SPATA6: variants seen among roughly 807,000 people sequenced by gnomAD.
SPATA6 encodes spermatogenesis associated 6, also known as spermatogenesis-associated protein 6.
In SPATA6, 56 loss-of-function variants were observed where a neutral mutation model predicts 65.3. The ratio of observed to expected loss-of-function variants is 0.86; its 90% CI spans 0.69 to 1.07. The LOEUF is 1.07. Ranked by LOEUF, SPATA6 falls within the 50% of genes least tolerant of loss-of-function variation. The pLI is 0.00. For missense variants in SPATA6, 590 were observed against 594.8 expected (o/e 0.99, Z 0.08); for synonymous variants, 199 against 213.2 (o/e 0.93, Z 0.58).
Position 48,399,397 on chromosome 1 carries a change from T to C in SPATA6, c.734A>G (p.Tyr245Cys), listed in dbSNP as rs755812791. The change falls in exon 7 of 13, where the codon TAT (tyrosine) becomes TGT (cysteine). Residue 245 changes from tyrosine to cysteine, a missense_variant. Transcript: ENST00000371847. ...RRLAHLNLGP[Y>C]EFKKETDKPP... Reference sequence around the variant, plus strand: ...TTTATCTGTTTCTTTTTTGAACTCATAGGGTCCCAGATTTAAATGGGCCAG... The same window carrying C: ...TTTATCTGTTTCTTTTTTGAACTCACAGGGTCCCAGATTTAAATGGGCCAG... 1.9e-6 allele frequency: 3 copies of C among 1,613,134 alleles called. No individual in the cohort carries two copies. Among genetic ancestry groups the C allele is most frequent in the African/African-American group, 1.3e-5 (1 of 74,980 alleles).
chr1:48,309,029 G>T (rs575859174), intron 11 of SPATA6, among the ~76,000 whole-genome samples: 42 of 152,172 alleles, frequency 2.8e-4, no homozygotes, highest in African/African-American at 1.0e-3. Flanking sequence ...GGGATTACAG[G>T]TACTTGCCAC....
At chr1:48,313,007 A>C (rs2148672253) in intron 11 of SPATA6, among the ~76,000 whole-genome samples, 1 of 152,326 alleles carries the variant, frequency 6.6e-6, no homozygotes, top group Non-Finnish European at 1.5e-5. Flanking sequence ...ATAAATAAAA[A>C]GAAACTAACA....
intron 3 of SPATA6, among the ~76,000 whole-genome samples, chr1:48,448,492 G>GAA (rs199827948): frequency 3.7e-5 from 5 of 136,678 alleles, no homozygotes; most frequent in Admixed American, 7.2e-5. Flanking sequence ...GTCCCCACAG[G>GAA]AAAAAAAAAA....
intron 3 of SPATA6, among the ~76,000 whole-genome samples, chr1:48,450,515 T>C (rs1372736457): frequency 2.0e-5 from 3 of 152,156 alleles, no homozygotes; most frequent in Admixed American, 6.5e-5. Context: ...TTTTCTAAGA[T>C]ACACAATTTC....
At chr1:48,284,987 C>T in the SPATA6 span, among the ~76,000 whole-genome samples, 1 of 152,202 alleles carries the variant, frequency 6.6e-6, no homozygotes, top group African/African-American at 2.4e-5. Context: ...CTCTTCAGAG[C>T]CAGCACGCAG....
At chr1:48,262,848 A>T in the SPATA6 span, 1 of 152,210 alleles carries the variant, frequency 6.6e-6, no homozygotes, top group Non-Finnish European at 1.5e-5. Context: ...ACATTTGAAA[A>T]GTCTAATTAA....
chr1:48,376,886 A>G (rs1041894326), intron 9 of SPATA6, among the ~76,000 whole-genome samples: 1 of 152,210 alleles, frequency 6.6e-6, no homozygotes, highest in Non-Finnish European at 1.5e-5. Context: ...AAGGATTTGT[A>G]TATCAGACCT....
At chr1:48,283,697 A>AAAAGAAAGAAAGAAAGAAAGAAAG in the SPATA6 span, among the ~76,000 whole-genome samples, 323 of 11,992 alleles carry the variant, frequency 0.027, 28 homozygotes, top group Non-Finnish European at 0.036. Context: ...AAAAAAAAAA[A>AAAAGAAAGAAAGAAAGAAAGAAAG]AAAGAAAGAA....
At chr1:48,387,146 C>G (rs1299950648) in intron 8 of SPATA6, among the ~76,000 whole-genome samples, 2 of 152,122 alleles carry the variant, frequency 1.3e-5, no homozygotes, top group African/African-American at 4.8e-5. Flanking sequence ...GGGAACTCCT[C>G]TTTTTAAAAT....
At chr1:48,261,767 T>C in the SPATA6 span, among the ~76,000 whole-genome samples, 1 of 152,232 alleles carries the variant, frequency 6.6e-6, no homozygotes, top group African/African-American at 2.4e-5. Context: ...TTGCAATTTC[T>C]ATAATATATG....
chr1:48,457,211 C>A (rs1440877802), intron 1 of SPATA6, among the ~76,000 whole-genome samples: 1 of 152,156 alleles, frequency 6.6e-6, no homozygotes, highest in Non-Finnish European at 1.5e-5. Flanking sequence ...ATGAGTGGAT[C>A]TCCTGAGGTC....
chr1:48,407,427 G>A (rs1651808532), intron 5 of SPATA6, among the ~76,000 whole-genome samples: 1 of 152,196 alleles, frequency 6.6e-6, no homozygotes, highest in Non-Finnish European at 1.5e-5. Context: ...TAGCAAAGCT[G>A]TGGGGTTTCT....
the SPATA6 span, among the ~76,000 whole-genome samples, chr1:48,279,314 C>CA: frequency 6.6e-6 from 1 of 152,156 alleles, no homozygotes; most frequent in African/African-American, 2.4e-5. Flanking sequence ...ATGACAGGAT[C>CA]AAATTCACAC....
chr1:48,271,208 C>T, the SPATA6 span, among the ~76,000 whole-genome samples: 1 of 152,058 alleles, frequency 6.6e-6, no homozygotes, highest in Non-Finnish European at 1.5e-5. Flanking sequence ...ACTTATCACC[C>T]CTTGCAGTAG....
At chr1:48,389,096 C>T (rs1304579683) in intron 8 of SPATA6, among the ~76,000 whole-genome samples, 6 of 152,046 alleles carry the variant, frequency 3.9e-5, no homozygotes, top group African/African-American at 1.4e-4. Context: ...CTGCCTGCCT[C>T]GGCCTCCCAA....
chr1:48,390,039 TA>T (rs1649888482), intron 8 of SPATA6, among the ~76,000 whole-genome samples: 1 of 152,080 alleles, frequency 6.6e-6, no homozygotes, highest in East Asian at 1.9e-4. Context: ...AATGTAAAAC[TA>T]AAAATACAAC....
At chr1:48,356,813 T>C (rs984661477) in intron 10 of SPATA6, among the ~76,000 whole-genome samples, 1 of 152,172 alleles carries the variant, frequency 6.6e-6, no homozygotes, top group Non-Finnish European at 1.5e-5. Context: ...AAAGCTACAA[T>C]ATCATATGTT....
At chr1:48,294,537 G>A (rs1286563428), downstream of SPATA6, among the ~76,000 whole-genome samples, 1 of 152,126 alleles carries the variant, frequency 6.6e-6, no homozygotes, top group Non-Finnish European at 1.5e-5. Flanking sequence ...GCTTTCATTT[G>A]TTTTTATCTG....
At chr1:48,326,523 A>C (rs1645766199) in intron 11 of SPATA6, among the ~76,000 whole-genome samples, 1 of 139,282 alleles carries the variant, frequency 7.2e-6, no homozygotes, top group African/African-American at 2.9e-5. Context: ...ATATGAAACA[A>C]AAAAAAAAAA....
Sources: gnomAD v4.1 joint callset for allele counts (sites outside exome capture counted in the v4.1 genomes callset) on GRCh38, gnomAD v4.1.1 for gene constraint, MANE v1.5 for transcripts, NCBI Gene and HGNC (gene_info 2026-07-23, HGNC 2026-07-21) for gene names.